The following EGFLAM variants were observed in gnomAD, a reference collection of about 807,000 sequenced individuals.
EGFLAM encodes EGF like, fibronectin type III and laminin G domains, also known as pikachurin.
Under a neutral mutation model 113.1 loss-of-function variants are expected in EGFLAM, and 79 were observed. That is an observed-to-expected ratio of 0.70 (90% CI 0.58 to 0.84). The LOEUF is 0.84. Among genes scored for constraint, EGFLAM ranks in the 40% least tolerant of loss-of-function variants. EGFLAM has a pLI of 0.00. For synonymous variants in EGFLAM, 504 were observed against 487.6 expected (o/e 1.03, Z -0.44); for missense variants, 1,265 against 1,291.6 (o/e 0.98, Z 0.32).
chr5:38,276,419 G>A (rs1225356042), intron 1 of EGFLAM, among the ~76,000 whole-genome samples: 4 of 152,078 alleles, frequency 2.6e-5, no homozygotes, highest in African/African-American at 4.8e-5. Flanking sequence ...ATATGATAAA[G>A]CAAAAGCAGT....
chr5:38,349,043 G>A (rs765024059), intron 3 of EGFLAM, among the ~76,000 whole-genome samples: 3 of 152,176 alleles, frequency 2.0e-5, no homozygotes, highest in Non-Finnish European at 2.9e-5. Flanking sequence ...GAGAACTACT[G>A]TATTAAGTAT....
At chr5:38,409,505 A>G (rs1012442055) in intron 10 of EGFLAM, among the ~76,000 whole-genome samples, 1 of 152,084 alleles carries the variant, frequency 6.6e-6, no homozygotes, top group African/African-American at 2.4e-5. Flanking sequence ...TGTTGAATGT[A>G]CCTGGTGCTG....
chr5:38,368,943 A>G (rs1191515013), intron 5 of EGFLAM, among the ~76,000 whole-genome samples: 1 of 152,202 alleles, frequency 6.6e-6, no homozygotes, highest in Non-Finnish European at 1.5e-5. Flanking sequence ...AGGTATTAGA[A>G]TGGTGCTTGG....
At position 38,451,436 on chromosome 5, in the gene EGFLAM, C is replaced by T. The variant is rs138983512; in HGVS notation, c.2665C>T (p.Arg889Trp). The change falls in exon 19 of 22, where the codon CGG (arginine) becomes TGG (tryptophan). Residue 889 changes from arginine (R) to tryptophan (W), a missense_variant. By Grantham distance (101) the Arg-to-Trp change is moderately radical (BLOSUM62 -3). Coordinates refer to ENST00000322350, the MANE Select transcript of EGFLAM (RefSeq NM_152403.4). ...PNSDFISLGLRDGALVFSYNL... is the reference protein window; with the variant it reads ...PNSDFISLGLWDGALVFSYNL... ...CAGCGACTTCATTTCCTTGGGCCTTCGGGATGGAGCCCTCGTGTTCAGGTA... is the reference window on the plus strand; with the variant it reads ...CAGCGACTTCATTTCCTTGGGCCTTTGGGATGGAGCCCTCGTGTTCAGGTA... 135 of 1,614,158 alleles carry T rather than the reference C, an allele frequency of 8.4e-5. No individual in the cohort carries two copies. The African/African-American group carries it at 1.4e-3, about 17-fold the overall frequency.
intron 4 of EGFLAM, among the ~76,000 whole-genome samples, chr5:38,351,945 GA>G (rs928658603): frequency 1.6e-4 from 24 of 152,274 alleles, no homozygotes; most frequent in African/African-American, 5.8e-4. Context: ...GTGCAACGGG[GA>G]GAAGGGGAGA....
At chr5:38,334,127 T>C (rs1330977823) in intron 1 of EGFLAM, among the ~76,000 whole-genome samples, 1 of 152,108 alleles carries the variant, frequency 6.6e-6, no homozygotes, top group Non-Finnish European at 1.5e-5. Context: ...TTTTGCCATG[T>C]TGGCCAGGCT....
intron 11 of EGFLAM, among the ~76,000 whole-genome samples, chr5:38,417,357 A>AC (rs1561080112): frequency 2.8e-5 from 4 of 141,380 alleles, no homozygotes; most frequent in African/African-American, 7.8e-5. Context: ...CAAAAAAAAA[A>AC]AAAAAAAAAA....
intron 10 of EGFLAM, among the ~76,000 whole-genome samples, chr5:38,409,585 C>T (rs750559549): frequency 3.3e-5 from 5 of 152,178 alleles, no homozygotes; most frequent in South Asian, 2.1e-4. Context: ...ACCTGGCACT[C>T]CTGTCAATCC....
At chr5:38,399,971 A>C (rs1420426759) in intron 6 of EGFLAM, 1 of 152,192 alleles carries the variant, frequency 6.6e-6, no homozygotes, top group African/African-American at 2.4e-5. Flanking sequence ...TTTCTTCTTC[A>C]AACCTTGCTT....
intron 18 of EGFLAM, 121 bp downstream of exon 18, chr5:38,448,500 A>G (rs781618348): frequency 9.8e-7 from 1 of 1,018,994 alleles, no homozygotes; most frequent in Non-Finnish European, 1.5e-6. Context: ...CCATTCAGCC[A>G]TGGCCTCAGG....
intron 18 of EGFLAM, among the ~76,000 whole-genome samples, chr5:38,450,046 G>A (rs1742861394): frequency 6.6e-6 from 1 of 152,134 alleles, no homozygotes; most frequent in South Asian, 2.1e-4. Flanking sequence ...TTTCTCATAT[G>A]ACTCTTTTTA....
chr5:38,258,883 C>G, intron 1 of EGFLAM, 32 bp downstream of exon 1: 1 of 1,592,000 alleles, frequency 6.3e-7, no homozygotes, highest in South Asian at 1.1e-5. Flanking sequence ...AGCCACCACG[C>G]CCCGAGCGCC....
chr5:38,360,458 C>A (rs183279293), intron 5 of EGFLAM, among the ~76,000 whole-genome samples: 1 of 152,120 alleles, frequency 6.6e-6, no homozygotes, highest in African/African-American at 2.4e-5. Flanking sequence ...ATCTAAAATC[C>A]TGTGACTCTG....
intron 6 of EGFLAM, among the ~76,000 whole-genome samples, chr5:38,391,692 C>T (rs1008853070): frequency 2.6e-5 from 4 of 152,224 alleles, no homozygotes; most frequent in Non-Finnish European, 4.4e-5. Context: ...CCACTGCGCC[C>T]GGCCTTACAC....
intron 1 of EGFLAM, among the ~76,000 whole-genome samples, chr5:38,281,312 A>C (rs1417091416): frequency 1.3e-5 from 2 of 152,198 alleles, no homozygotes; most frequent in Non-Finnish European, 2.9e-5. Context: ...TAGTGTTGCC[A>C]GATAAAATAG....
chr5:38,259,908 G>C (rs1757455552), intron 1 of EGFLAM, among the ~76,000 whole-genome samples: 1 of 152,210 alleles, frequency 6.6e-6, no homozygotes, highest in South Asian at 2.1e-4. Flanking sequence ...CCATGTGAAT[G>C]CTTAAATATT....
intron 1 of EGFLAM, among the ~76,000 whole-genome samples, chr5:38,330,560 A>C (rs1739014033): frequency 2.0e-5 from 3 of 152,164 alleles, no homozygotes. Context: ...CAATTTCCAT[A>C]ACCCCATCTT....
rs1742434955 is a variant in EGFLAM, at chr5:38,438,561, C to T, written c.2464+106C>T. On this transcript the variant is annotated intron_variant, in intron 17 of 21. Transcript: ENST00000322350. ...TGGAAGAGTTGTAACAGTGGTACAA[C>T]CATAGTGGTTATTTTGATCAATTAT... 39 of 1,104,174 alleles carry T rather than the reference C, an allele frequency of 3.5e-5. No individual in the cohort carries two copies. The South Asian group carries it at 9.4e-4, about 27-fold the overall frequency. 68.4% of individuals were successfully genotyped at this position (1,104,174 alleles called of 1,614,324 possible). A position where few individuals can be genotyped will look rare whatever the true frequency, so the allele number is the denominator to read the frequency against.
intron 1 of EGFLAM, among the ~76,000 whole-genome samples, chr5:38,284,953 G>T (rs1758118207): frequency 6.6e-6 from 1 of 152,126 alleles, no homozygotes; most frequent in Admixed American, 6.6e-5. Flanking sequence ...ATATTTTAAA[G>T]TAGTGACAAT....
Sources: gnomAD v4.1 joint callset for allele counts (sites outside exome capture counted in the v4.1 genomes callset) on GRCh38, gnomAD v4.1.1 for gene constraint, MANE v1.5 for transcripts, NCBI Gene and HGNC (gene_info 2026-07-23, HGNC 2026-07-21) for gene names.